Variants in OR14A16 observed in about 807,000 individuals in gnomAD.
OR14A16 encodes olfactory receptor family 14 subfamily A member 16.
For missense variants in OR14A16, 341 were observed against 366.5 expected, an observed-to-expected ratio of 0.93 and a Z score of 0.57; for synonymous variants, 135 against 137.6, an observed-to-expected ratio of 0.98 and a Z score of 0.13.
At chr1:247,820,985 CAT>C (rs1239614748) in intron 1 of OR14A16, among the ~76,000 whole-genome samples, 1 of 152,102 alleles carries the variant, frequency 6.6e-6, no homozygotes, top group Non-Finnish European at 1.5e-5. Context: ...TTTGAATCAA[CAT>C]GTTTTTTCAT....
At position 247,815,076 on chromosome 1, in the gene OR14A16, G is replaced by A. The variant is rs151056064; in HGVS notation, c.654C>T (p.His218=). 915 of 1,613,622 alleles carry A rather than the reference G, an allele frequency of 5.7e-4. 1 individual carries two copies. Among genetic ancestry groups the A allele is most frequent in the Non-Finnish European group, 7.5e-4 (883 of 1,179,668 alleles). Residue 218 remains histidine, a synonymous_variant, in exon 3 of 3, where the codon CAC becomes CAT. Transcript: ENST00000641093. Reference sequence around the variant, plus strand: ...GGATCTTCTTGACTGTAGAGAAGACGTGGACATAGGTAATGATGATGACAA... The same window carrying A: ...GGATCTTCTTGACTGTAGAGAAGACATGGACATAGGTAATGATGATGACAA... The part of the protein sequence containing the change: ...CFIVIIITYV[H]VFSTVKKIPS...
At position 247,815,283 on chromosome 1, in the gene OR14A16, A is replaced by G; in HGVS notation, c.447T>C (p.Tyr149=). The G allele has an allele frequency of 1.2e-6, 2 of 1,614,110 alleles. No individual in the cohort carries two copies. Among genetic ancestry groups the G allele is most frequent in the Non-Finnish European group, 1.7e-6 (2 of 1,179,978 alleles). ...TGTGCATCACAGCAATCAGACCCCC[A>G]TACAGCCAAGACACAGTGGCTCTTT... ...CVQRATVSWL[Y]GGLIAVMHTA... is the part of the protein sequence containing the mutation. Residue 149 remains tyrosine (Y), a synonymous_variant, in exon 3 of 3, where the codon TAT becomes TAC. Coordinates refer to ENST00000641093, the MANE Select transcript of OR14A16 (RefSeq NM_001001966.2).
At chr1:247,820,801 A>C (rs974366367) in intron 1 of OR14A16, among the ~76,000 whole-genome samples, 10 of 151,886 alleles carry the variant, frequency 6.6e-5, no homozygotes, top group African/African-American at 1.9e-4. Context: ...CGGAGGTTGC[A>C]GTGAGCCAAG....
Position 247,814,833 on chromosome 1 carries a change from C to T in OR14A16, c.897G>A (p.Gly299=), listed in dbSNP as rs12734733. ...TGGTGAGCTTTCCCTTTATCAACAT[C>T]CCCAGAGCCACCTTTATGGCCTTGT... ...LRNKAIKVAL[G]MLIKGKLTKK The change falls in exon 3 of 3, where the codon GGG becomes GGA. Residue 299 remains glycine, a synonymous_variant. Transcript: ENST00000641093. 69 of 1,589,366 alleles carry T rather than the reference C, an allele frequency of 4.3e-5. No homozygotes were observed. The highest frequency in any genetic ancestry group is 5.8e-5 in the Non-Finnish European group (68 of 1,171,420).
chr1:247,814,745 A>C lies in OR14A16; in HGVS notation c.*55T>G. ...GAATTAGAGATAAAAATGAAGAATT[A>C]ATGTGTGTACATTATAAATGGTATC... On this transcript the variant is annotated 3_prime_UTR_variant, in exon 3 of 3. Transcript: ENST00000641093. 2.4e-6 allele frequency: 2 copies of C among 817,192 alleles called. No homozygotes were observed. Among genetic ancestry groups the C allele is most frequent in the Admixed American group, 6.2e-5 (2 of 32,340 alleles). The allele number at this position is 817,192 out of a possible 1,614,324, so 50.6% of individuals were successfully genotyped here.
At chr1:247,822,317 G>A (rs75418967) in intron 1 of OR14A16, among the ~76,000 whole-genome samples, 5 of 99,386 alleles carry the variant, frequency 5.0e-5, no homozygotes, top group South Asian at 7.2e-4. Context: ...TGTGTGGCGG[G>A]GGGGGAGGGT....
intron 2 of OR14A16, among the ~76,000 whole-genome samples, chr1:247,818,801 C>T (rs746156896): frequency 1.3e-4 from 20 of 152,072 alleles, no homozygotes; most frequent in South Asian, 4.2e-4. Context: ...TGATACACAA[C>T]GAGGTGACTA....
Position 247,814,934 on chromosome 1 carries a change from TAGA to T in OR14A16, c.793_795del (p.Ser265del), listed in dbSNP as rs113890870. On this transcript the variant is annotated inframe_deletion, in exon 3 of 3. Transcript: ENST00000641093. Reference sequence around the variant, plus strand: ...AACACAGAAATTACAGCATCCAAAATAGAAGGAGACTCTGAAGCTGGCTTCAGA... The same window carrying T: ...AACACAGAAATTACAGCATCCAAAATAGGAGACTCTGAAGCTGGCTTCAGA... 2 of 1,613,716 alleles carry T rather than the reference TAGA, an allele frequency of 1.2e-6. No individual in the cohort carries two copies. The highest frequency in any genetic ancestry group is 1.1e-5 in the South Asian group (1 of 91,064).
At chr1:247,820,896 G>A (rs1244496258) in intron 1 of OR14A16, among the ~76,000 whole-genome samples, 1 of 151,848 alleles carries the variant, frequency 6.6e-6, no homozygotes, top group Non-Finnish European at 1.5e-5. Flanking sequence ...TTTCATGTAG[G>A]CATTGGTGCT....
At chr1:247,823,375 T>G (rs187345282) in intron 1 of OR14A16, among the ~76,000 whole-genome samples, 1 of 152,308 alleles carries the variant, frequency 6.6e-6, no homozygotes. Context: ...TGCACACCTG[T>G]AATCCTTGCT....
Sources: allele counts gnomAD v4.1 joint callset (sites outside exome capture counted in the v4.1 genomes callset), GRCh38; gene constraint gnomAD v4.1.1; transcripts MANE v1.5; gene names NCBI Gene and HGNC (gene_info 2026-07-23, HGNC 2026-07-21).